Variants in BCHE observed in about 807,000 individuals in gnomAD.
BCHE encodes the protein butyrylcholinesterase, also known as cholinesterase.
BCHE carries 48 observed loss-of-function variants against 51.3 expected under a neutral mutation model. The observed-to-expected ratio is 0.94, with a 90% CI of 0.74 to 1.19. The LOEUF (loss-of-function observed/expected upper bound fraction) is 1.19, where lower values mean the gene tolerates loss of function less well. Ranked by LOEUF, BCHE falls within the 50% of genes most tolerant of loss-of-function variation. The pLI is 0.00. For synonymous variants in BCHE, 251 were observed against 238.0 expected (o/e 1.05, Z -0.50); for missense variants, 847 against 708.2 (o/e 1.20, Z -2.23).
At chr3:165,785,300 G>C (rs1167693605) in intron 3 of BCHE, among the ~76,000 whole-genome samples, 1 of 151,722 alleles carries the variant, frequency 6.6e-6, no homozygotes, top group Non-Finnish European at 1.5e-5. Context: ...TATGTCTGAT[G>C]GCTGAAAATC....
Position 165,786,327 on chromosome 3 carries a change from G to C in BCHE, c.1518-16C>G. 1.3e-6 allele frequency: 2 copies of C among 1,595,192 alleles called. No individual in the cohort carries two copies. Among genetic ancestry groups the C allele is most frequent in the Non-Finnish European group, 1.7e-6 (2 of 1,165,720 alleles). On this transcript the variant is annotated splice_polypyrimidine_tract_variant and intron_variant, in intron 2 of 3. Coordinates refer to ENST00000264381, the MANE Select transcript of BCHE (RefSeq NM_000055.4). ...ATTTGGATTCCTAAATAATAAAATAGAGACATTATAGTAAAATTGAAATCA... is the reference window on the plus strand; with the variant it reads ...ATTTGGATTCCTAAATAATAAAATACAGACATTATAGTAAAATTGAAATCA...
intron 2 of BCHE, among the ~76,000 whole-genome samples, chr3:165,819,211 T>A (rs571515702): frequency 1.8e-4 from 27 of 151,870 alleles, no homozygotes; most frequent in African/African-American, 5.8e-4. Context: ...CCAGAGTTGC[T>A]GGGATTAAAA....
chr3:165,790,070 AG>A (rs538298859), intron 2 of BCHE, among the ~76,000 whole-genome samples: 1 of 151,894 alleles, frequency 6.6e-6, no homozygotes, highest in Non-Finnish European at 1.5e-5. Context: ...TGTGTGTGTG[AG>A]GGGGGGATGG....
intron 2 of BCHE, among the ~76,000 whole-genome samples, chr3:165,788,127 TGTTTTG>T (rs1560005440): frequency 6.6e-6 from 1 of 151,952 alleles, no homozygotes; most frequent in African/African-American, 2.4e-5. Flanking sequence ...TGTTTTGTTT[TGTTTTG>T]TTTTGTTTGG....
chr3:165,778,855 T>A, intron 3 of BCHE: 1 of 231,310 alleles, frequency 4.3e-6, no homozygotes, highest in South Asian at 5.3e-5. Context: ...AGAAACTAGT[T>A]AACTGTCAAC....
At chr3:165,823,803 A>G (rs4475077) in intron 2 of BCHE, among the ~76,000 whole-genome samples, 128,366 of 151,628 alleles carry the variant, frequency 0.85, 55,196 homozygotes, top group East Asian at 0.92. Flanking sequence ...TGTCACCCAG[A>G]CTAGAGTGCA....
intron 2 of BCHE, among the ~76,000 whole-genome samples, chr3:165,809,144 AT>A (rs1275599241): frequency 1.3e-5 from 2 of 152,172 alleles, no homozygotes; most frequent in Non-Finnish European, 2.9e-5. Context: ...TCATAATGTT[AT>A]TTGGTATTTA....
Position 165,794,170 on chromosome 3 carries a change from T to C in BCHE, c.1518-7859A>G, listed in dbSNP as rs928956956. 9.2e-5 allele frequency among the ~76,000 whole-genome samples: 14 copies of C among 152,320 alleles called. No homozygotes were observed. In the East Asian group the frequency reaches 2.3e-3, roughly 25 times the overall value. On this transcript the variant is annotated intron_variant, in intron 2 of 3. Transcript: ENST00000264381. ...ACTGAATTTTATTACAGCAATTTAA[T>C]ATTAATCCGTGAATGCATTACTAGT...
intron 2 of BCHE, among the ~76,000 whole-genome samples, chr3:165,801,290 C>G (rs548520524): frequency 4.3e-4 from 65 of 152,212 alleles, no homozygotes; most frequent in East Asian, 1.2e-3. Context: ...TAATGAAAAC[C>G]GCAAGGATAA....
chr3:165,812,897 T>G (rs989252201), intron 2 of BCHE, among the ~76,000 whole-genome samples: 2 of 151,976 alleles, frequency 1.3e-5, no homozygotes, highest in African/African-American at 4.8e-5. Context: ...ACACCAGCAT[T>G]AGTTCTTCCA....
intron 2 of BCHE, among the ~76,000 whole-genome samples, chr3:165,801,680 C>T (rs1713653993): frequency 6.6e-6 from 1 of 152,108 alleles, no homozygotes. Flanking sequence ...GTATATTTAT[C>T]TTGTTTATGT....
At chr3:165,777,253 C>T (rs920787996) in intron 3 of BCHE, among the ~76,000 whole-genome samples, 2 of 151,682 alleles carry the variant, frequency 1.3e-5, no homozygotes, top group South Asian at 4.2e-4. Context: ...CATTGAGGAC[C>T]TTATTCATAT....
At chr3:165,781,789 A>G (rs545279308) in intron 3 of BCHE, among the ~76,000 whole-genome samples, 1 of 152,228 alleles carries the variant, frequency 6.6e-6, no homozygotes, top group African/African-American at 2.4e-5. Flanking sequence ...CAAAAGACCA[A>G]ATGGCTCAAT....
Position 165,829,962 on chromosome 3 carries a change from A to T in BCHE, c.1072T>A (p.Leu358Ile), listed in dbSNP as rs121918557. Residue 358 changes from leucine (L) to isoleucine (I), a missense_variant, in exon 2 of 4, where the codon TTA becomes ATA. Leu to Ile is a conservative substitution (Grantham distance 5, BLOSUM62 2). Coordinates refer to ENST00000264381, the MANE Select transcript of BCHE (RefSeq NM_000055.4). ...GVNKDEGTAF[L>I]VYGAPGFSKD... ...CTGAAGCCAGGAGCACCATAGACTA[A>T]AAAAGCTGTCCCTTCATCTTTATTA... is the stretch of plus-strand genomic sequence containing the variant. 8.1e-5 allele frequency: 131 copies of T among 1,613,798 alleles called. No homozygotes were observed. The East Asian group carries it at 2.7e-3, about 33-fold the overall frequency.
At chr3:165,832,106 T>G (rs1176776016) in intron 1 of BCHE, among the ~76,000 whole-genome samples, 1 of 152,170 alleles carries the variant, frequency 6.6e-6, no homozygotes, top group Non-Finnish European at 1.5e-5. Flanking sequence ...ACCTACAAAA[T>G]CATAAGTATT....
At chr3:165,824,534 C>T (rs572855157) in intron 2 of BCHE, among the ~76,000 whole-genome samples, 81 of 151,974 alleles carry the variant, frequency 5.3e-4, no homozygotes, top group Middle Eastern at 3.4e-3. Context: ...TGCTAACAAT[C>T]CTAGAGAATG....
At chr3:165,780,910 G>A (rs1437317117) in intron 3 of BCHE, among the ~76,000 whole-genome samples, 6 of 152,030 alleles carry the variant, frequency 3.9e-5, no homozygotes, top group Non-Finnish European at 8.8e-5. Context: ...CCCATTACTG[G>A]GTGTATACCC....
At chr3:165,829,199 C>T (rs1232794226) in intron 2 of BCHE, among the ~76,000 whole-genome samples, 1 of 152,078 alleles carries the variant, frequency 6.6e-6, no homozygotes, top group Non-Finnish European at 1.5e-5. Flanking sequence ...AAAGTATTCT[C>T]ACATTAATTT....
intron 3 of BCHE, among the ~76,000 whole-genome samples, chr3:165,777,418 T>A (rs1374341110): frequency 6.6e-6 from 1 of 151,770 alleles, no homozygotes; most frequent in Non-Finnish European, 1.5e-5. Flanking sequence ...AATAAATATA[T>A]AAATATGTAA....
Sources: allele counts gnomAD v4.1 joint callset (sites outside exome capture counted in the v4.1 genomes callset), GRCh38; gene constraint gnomAD v4.1.1; transcripts MANE v1.5; gene names NCBI Gene and HGNC (gene_info 2026-07-23, HGNC 2026-07-21).